ACOXL: variants seen among roughly 807,000 people sequenced by gnomAD.
ACOXL encodes the protein acyl-coenzyme A oxidase-like protein.
ACOXL carries 70 observed loss-of-function variants against 71.9 expected under a neutral mutation model. That is an observed-to-expected ratio of 0.97 (90% confidence interval 0.80 to 1.19). The LOEUF (loss-of-function observed/expected upper bound fraction) is 1.19, where lower values mean the gene tolerates loss of function less well. Ranked by LOEUF, ACOXL falls within the 50% of genes most tolerant of loss-of-function variation. ACOXL has a pLI of 0.00. For synonymous variants in ACOXL, 253 were observed against 281.6 expected, an observed-to-expected ratio of 0.90 and a Z score of 1.02; for missense variants, 703 against 736.3, an observed-to-expected ratio of 0.95 and a Z score of 0.52.
At chr2:110,925,853 CTTTTTTTTT>C (rs59794309) in intron 11 of ACOXL, among the ~76,000 whole-genome samples, 6 of 121,024 alleles carry the variant, frequency 5.0e-5, no homozygotes, top group African/African-American at 1.8e-4. Flanking sequence ...TTACTTCTAG[CTTTTTTTTT>C]TTTTTTTTTT....
At chr2:110,849,892 G>C (rs527453591) in intron 10 of ACOXL, among the ~76,000 whole-genome samples, 27 of 152,206 alleles carry the variant, frequency 1.8e-4, no homozygotes, top group Non-Finnish European at 3.4e-4. Flanking sequence ...CAGACTATAG[G>C]ACATGTAGGC....
rs1003269382 is a variant in ACOXL at position 111,118,460 on chromosome 2, C to G, written c.*644C>G. 6.6e-6 allele frequency among the ~76,000 whole-genome samples: 1 copy of G among 152,156 alleles called. No homozygotes were observed. Among genetic ancestry groups the G allele is most frequent in the Non-Finnish European group, 1.5e-5 (1 of 68,028 alleles). On this transcript the variant is annotated 3_prime_UTR_variant, in exon 18 of 18. Transcript: ENST00000439055. ...GGTTTCCGTACGGCAAGACAAGGCG[C>G]GGAAAACATTTTTACCATCTGACGC...
intron 1 of ACOXL, among the ~76,000 whole-genome samples, chr2:110,746,338 G>A (rs1678197919): frequency 1.3e-5 from 2 of 151,990 alleles, no homozygotes; most frequent in Admixed American, 1.3e-4. Flanking sequence ...TGTTCTCTCT[G>A]CCCCTCCTGA....
intron 12 of ACOXL, among the ~76,000 whole-genome samples, chr2:110,951,613 G>A (rs957582591): frequency 6.6e-6 from 1 of 152,102 alleles, no homozygotes; most frequent in Non-Finnish European, 1.5e-5. Context: ...TTATGTTAAG[G>A]AAAAGCCTGT....
At chr2:111,043,771 C>T (rs1234328849) in intron 15 of ACOXL, among the ~76,000 whole-genome samples, 2 of 152,208 alleles carry the variant, frequency 1.3e-5, no homozygotes, top group African/African-American at 4.8e-5. Context: ...CATCAAACTC[C>T]TCCAGAGGAG....
At chr2:110,832,642 A>G (rs1689987542) in intron 9 of ACOXL, among the ~76,000 whole-genome samples, 1 of 152,214 alleles carries the variant, frequency 6.6e-6, no homozygotes, top group Non-Finnish European at 1.5e-5. Flanking sequence ...TGAAATGACA[A>G]GTGCAGACTG....
chr2:110,923,319 CT>C (rs796735467), intron 11 of ACOXL, among the ~76,000 whole-genome samples: 3 of 151,622 alleles, frequency 2.0e-5, no homozygotes, highest in African/African-American at 7.3e-5. Flanking sequence ...TTTTCTTTTT[CT>C]TTTTTTTTCT....
At chr2:110,771,388 C>T (rs1681904195) in intron 2 of ACOXL, among the ~76,000 whole-genome samples, 2 of 152,152 alleles carry the variant, frequency 1.3e-5, no homozygotes. Flanking sequence ...CCAGGCCCGT[C>T]TGTGTTTCCC....
intron 2 of ACOXL, among the ~76,000 whole-genome samples, chr2:110,772,363 C>T (rs1160260872): frequency 3.9e-5 from 6 of 152,194 alleles, no homozygotes; most frequent in Admixed American, 6.5e-5. Context: ...AGGTGACCCA[C>T]TGTGCATCTG....
intron 11 of ACOXL, 98 bp downstream of exon 11, chr2:110,909,003 T>C: frequency 3.3e-6 from 3 of 910,920 alleles, no homozygotes; most frequent in Non-Finnish European, 5.0e-6. Flanking sequence ...ATTTTCTAAC[T>C]GTGATCAGGA....
At position 110,788,938 on chromosome 2, in the gene ACOXL, G is replaced by C. The variant is rs553183059; in HGVS notation, c.159+4123G>C. On this transcript the variant is annotated intron_variant, in intron 3 of 17. Transcript: ENST00000439055. ...CCTGCCAGCTCAAGAGCCACTGGTG[G>C]TCCCTGCCTTTCACATGAGCTGGCT... Among the ~76,000 whole-genome samples the C allele has an allele frequency of 4.6e-4, 70 of 152,354 alleles. 1 individual carries two copies. Among genetic ancestry groups the C allele is most frequent in the Admixed American group, 1.4e-3 (21 of 15,306 alleles).
At chr2:111,111,347 A>C (rs2069943235) in intron 17 of ACOXL, among the ~76,000 whole-genome samples, 1 of 151,838 alleles carries the variant, frequency 6.6e-6, no homozygotes, top group Non-Finnish European at 1.5e-5. Context: ...CAATCCACCC[A>C]CCTCGGCCTC....
chr2:110,825,333 T>C (rs556698315), intron 9 of ACOXL, among the ~76,000 whole-genome samples: 1 of 152,270 alleles, frequency 6.6e-6, no homozygotes, highest in East Asian at 1.9e-4. Context: ...GAAATAACAA[T>C]TAAAAAACCG....
At chr2:110,769,602 A>C (rs922999783) in intron 2 of ACOXL, among the ~76,000 whole-genome samples, 13 of 151,952 alleles carry the variant, frequency 8.6e-5, no homozygotes, top group Non-Finnish European at 1.6e-4. Context: ...GCCTGGCCTC[A>C]ACATGGCGAA....
chr2:110,857,260 G>A (rs905297195), intron 10 of ACOXL, among the ~76,000 whole-genome samples: 13 of 152,216 alleles, frequency 8.5e-5, no homozygotes, highest in Admixed American at 5.2e-4. Context: ...ATTGAGAAAA[G>A]GGGGACCCGT....
chr2:110,779,907 G>A (rs897115428), intron 2 of ACOXL, among the ~76,000 whole-genome samples: 2 of 152,198 alleles, frequency 1.3e-5, no homozygotes, highest in Admixed American at 6.5e-5. Flanking sequence ...GTTCTTAGAG[G>A]AGACTCAAAA....
At chr2:110,733,786 G>A (rs529572708) in intron 1 of ACOXL, among the ~76,000 whole-genome samples, 84 of 152,230 alleles carry the variant, frequency 5.5e-4, no homozygotes, top group Non-Finnish European at 8.8e-4. Flanking sequence ...GTGTCTCGCC[G>A]ACTTCTCTTT....
chr2:110,850,734 CG>C (rs932023284), intron 10 of ACOXL, among the ~76,000 whole-genome samples: 1 of 152,102 alleles, frequency 6.6e-6, no homozygotes, highest in Non-Finnish European at 1.5e-5. Context: ...CGAAATGGTA[CG>C]GCCACTTTGG....
chr2:110,877,087 A>T (rs1249770726), intron 10 of ACOXL, among the ~76,000 whole-genome samples: 1 of 152,204 alleles, frequency 6.6e-6, no homozygotes, highest in Non-Finnish European at 1.5e-5. Context: ...GGTGCCCAGT[A>T]GGTGACAGCT....
Sources: allele counts gnomAD v4.1 joint callset (sites outside exome capture counted in the v4.1 genomes callset), GRCh38; gene constraint gnomAD v4.1.1; transcripts MANE v1.5; gene names NCBI Gene and HGNC (gene_info 2026-07-23, HGNC 2026-07-21).